The following TMPRSS9 variants were observed in gnomAD, a reference collection of about 807,000 sequenced individuals.
TMPRSS9 encodes transmembrane protease serine 9.
A neutral mutation model predicts 111.4 loss-of-function variants in TMPRSS9; 113 were observed. That is an observed-to-expected ratio of 1.01 (90% CI 0.87 to 1.19). The LOEUF is 1.19. Among genes scored for constraint, TMPRSS9 ranks in the 50% most tolerant of loss-of-function variants. TMPRSS9 has a pLI of 0.00. For missense variants in TMPRSS9, 1,803 were observed against 1,513.1 expected (o/e 1.19, Z -3.18); for synonymous variants, 805 against 659.1 (o/e 1.22, Z -3.39).
intron 4 of TMPRSS9, among the ~76,000 whole-genome samples, chr19:2,401,222 C>T (rs1332249374): frequency 4.6e-5 from 7 of 152,074 alleles, no homozygotes; most frequent in South Asian, 2.1e-4. Flanking sequence ...TGAAGTGAGC[C>T]GAGATCGCGC....
At chr19:2,408,629 C>G in exon 8 of TMPRSS9, 1 of 1,607,804 alleles carries the variant, frequency 6.2e-7, no homozygotes, top group Non-Finnish European at 8.5e-7. Flanking sequence ...AGGAGGACTT[C>G]CGTAAGCATC....
chr19:2,361,531 G>T (rs527602469), intron 1 of TMPRSS9, among the ~76,000 whole-genome samples: 2 of 152,096 alleles, frequency 1.3e-5, no homozygotes, highest in South Asian at 2.1e-4. Flanking sequence ...GGGGTGGGTT[G>T]TTGGTATTTG....
At chr19:2,414,907 ATC>A (rs992225229) in intron 10 of TMPRSS9, among the ~76,000 whole-genome samples, 1 of 149,392 alleles carries the variant, frequency 6.7e-6, no homozygotes, top group African/African-American at 2.5e-5. Flanking sequence ...GTAGGACTAT[ATC>A]TCTGTTTCCA....
At chr19:2,417,492 T>TA in intron 12 of TMPRSS9, among the ~76,000 whole-genome samples, 1 of 136,646 alleles carries the variant, frequency 7.3e-6, no homozygotes, top group East Asian at 2.1e-4. Flanking sequence ...AATAGAAAAA[T>TA]AAAAAATTAG....
At chr19:2,417,114 GT>G (rs1313178415) in intron 12 of TMPRSS9, among the ~76,000 whole-genome samples, 2 of 152,168 alleles carry the variant, frequency 1.3e-5, no homozygotes, top group African/African-American at 4.8e-5. Flanking sequence ...TTAAATACTT[GT>G]GACAGAGACT....
At position 2,401,966 on chromosome 19, in the gene TMPRSS9, T is replaced by C. The variant is rs760997214; in HGVS notation, c.515-9T>C. 27 of 1,610,316 alleles carry C rather than the reference T, an allele frequency of 1.7e-5. No homozygotes were observed. In the Admixed American group the frequency reaches 3.7e-4, roughly 22 times the overall value. ...TCAGTGAGCTTCTATCTTCTCTGTT[T>C]TGTTGCAGGGAGACATAAGGGACCC... On this transcript the variant is annotated splice_polypyrimidine_tract_variant and intron_variant, in intron 4 of 17. Coordinates refer to ENST00000648592, the Ensembl canonical transcript of TMPRSS9.
intron 5 of TMPRSS9, 63 bp downstream of exon 6, chr19:2,402,079 A>G: frequency 6.6e-7 from 1 of 1,525,220 alleles, no homozygotes; most frequent in Admixed American, 1.8e-5. Context: ...CCTAAGACTC[A>G]TTTCAAGGAA....
chr19:2,402,742 AAAAT>A (rs573181320), intron 5 of TMPRSS9, among the ~76,000 whole-genome samples: 4 of 152,076 alleles, frequency 2.6e-5, no homozygotes, highest in Non-Finnish European at 5.9e-5. Context: ...CTGTCTCAAA[AAAAT>A]AAATAAATAA....
At chr19:2,393,773 C>T (rs2145294332) in intron 1 of TMPRSS9, among the ~76,000 whole-genome samples, 1 of 151,590 alleles carries the variant, frequency 6.6e-6, no homozygotes, top group South Asian at 2.1e-4. Context: ...TGGTACGCGC[C>T]TGTAATCCCA....
intron 13 of TMPRSS9, among the ~76,000 whole-genome samples, 170 bp downstream of exon 14, chr19:2,418,308 TCCCTCCCTCCC>T (rs1568189284): frequency 1.0e-4 from 2 of 19,880 alleles, no homozygotes; most frequent in African/African-American, 1.3e-3. Flanking sequence ...TCCCTCCCTT[TCCCTCCCTCCC>T]TCCCTCCCTC....
chr19:2,401,758 G>C (rs80338281), intron 4 of TMPRSS9, among the ~76,000 whole-genome samples: 9 of 151,266 alleles, frequency 5.9e-5, no homozygotes, highest in Non-Finnish European at 1.2e-4. Context: ...CAGGCGCCCG[G>C]CACCACACCC....
exon 2 of TMPRSS9, chr19:2,396,649 C>T (rs1019291938): frequency 6.2e-7 from 1 of 1,608,922 alleles, no homozygotes; most frequent in Non-Finnish European, 8.5e-7. Flanking sequence ...CACGCTGACG[C>T]CCACCCTGGA....
At position 2,369,354 on chromosome 19, in the gene TMPRSS9, A is replaced by G. The variant is rs192284858; in HGVS notation, c.-26+8994A>G. Among the ~76,000 whole-genome samples the G allele has an allele frequency of 2.9e-4, 44 of 152,196 alleles. No individual in the cohort carries two copies. In the East Asian group the frequency reaches 8.3e-3, roughly 29 times the overall value. On this transcript the variant is annotated intron_variant, in intron 1 of 17. Transcript: ENST00000649857. ...GAGCAGGCATTTTTGTGAAGAGGAG[A>G]CTGAGGAGGGATATGAGAGCTCAGT...
chr19:2,385,170 C>T (rs1169873865), upstream of TMPRSS9, among the ~76,000 whole-genome samples: 14 of 39,522 alleles, frequency 3.5e-4, no homozygotes, highest in East Asian at 9.3e-3. Flanking sequence ...GGGCGGGGCT[C>T]GCGGGGGGCG....
intron 1 of TMPRSS9, among the ~76,000 whole-genome samples, chr19:2,368,323 A>C (rs115295580): frequency 0.014 from 2,129 of 148,012 alleles, 54 homozygotes; most frequent in African/African-American, 0.05. Flanking sequence ...AATTTGAGAG[A>C]CCAAAAAAAA....
At chr19:2,403,823 C>T (rs1180394597) in intron 6 of TMPRSS9, among the ~76,000 whole-genome samples, 1 of 151,954 alleles carries the variant, frequency 6.6e-6, no homozygotes, top group Non-Finnish European at 1.5e-5. Flanking sequence ...GAAACCCCCT[C>T]TCTACTAAAA....
upstream of TMPRSS9, among the ~76,000 whole-genome samples, chr19:2,389,349 A>G (rs916705309): frequency 6.8e-6 from 1 of 146,686 alleles, no homozygotes; most frequent in Non-Finnish European, 1.5e-5. Flanking sequence ...TGCTGGGATT[A>G]CAGGCATAAG....
chr19:2,397,167 C>T (rs1970728470), intron 2 of TMPRSS9, among the ~76,000 whole-genome samples: 1 of 152,120 alleles, frequency 6.6e-6, no homozygotes, highest in African/African-American at 2.4e-5. Context: ...ATGATCTTCC[C>T]TCCACGGCCT....
chr19:2,393,898 CAAAAAA>C (rs34160378), intron 1 of TMPRSS9, among the ~76,000 whole-genome samples: 5 of 63,594 alleles, frequency 7.9e-5, no homozygotes, highest in Admixed American at 1.6e-4. Context: ...ACCATGTCTC[CAAAAAA>C]AAAAAAAAAA....
Sources: gnomAD v4.1 joint callset for allele counts (sites outside exome capture counted in the v4.1 genomes callset) on GRCh38, gnomAD v4.1.1 for gene constraint, MANE v1.5 for transcripts, NCBI Gene and HGNC (gene_info 2026-07-23, HGNC 2026-07-21) for gene names.